Variants in SEMA3F observed in about 807,000 individuals in gnomAD.
The protein encoded by SEMA3F is semaphorin-3F.
SEMA3F carries 30 observed loss-of-function variants against 98.5 expected under a neutral mutation model. The observed-to-expected ratio is 0.30, with a 90% CI of 0.23 to 0.41. The LOEUF is 0.41. SEMA3F is among the 10% of genes least tolerant of loss of function. The pLI is 1.00. For synonymous variants in SEMA3F, 380 were observed against 444.8 expected (o/e 0.85, Z 1.83); for missense variants, 866 against 1,119.3 (o/e 0.77, Z 3.23).
rs997899343 is a variant in SEMA3F, at chr3:50,174,093, G to T, written c.315G>T (p.Val105=). 6.2e-7 allele frequency: 1 copy of T among 1,614,018 alleles called. No homozygotes were observed. The highest frequency in any genetic ancestry group is 1.3e-5 in the African/African-American group (1 of 74,934). The change falls in exon 4 of 19, where the codon GTG becomes GTT. Residue 105 remains valine, a synonymous_variant. Coordinates refer to ENST00000002829, the MANE Select transcript of SEMA3F (RefSeq NM_004186.5). ...AASPQRIEEC[V]LSGKDVNGEC... is the part of the protein sequence containing the mutation. Reference sequence around the variant, plus strand: ...CCCCACAGCGCATCGAGGAATGCGTGCTCTCAGGCAAGGATGTCAACGTGA... The same window carrying T: ...CCCCACAGCGCATCGAGGAATGCGTTCTCTCAGGCAAGGATGTCAACGTGA...
chr3:50,178,894 T>C (rs974195842), intron 7 of SEMA3F, among the ~76,000 whole-genome samples: 6 of 138,752 alleles, frequency 4.3e-5, no homozygotes, highest in African/African-American at 1.6e-4. Context: ...TGCAGTGGTG[T>C]GATTTCAGCT....
At chr3:50,171,063 TCCCTGTG>T (rs1276135401) in intron 2 of SEMA3F, among the ~76,000 whole-genome samples, 1 of 152,112 alleles carries the variant, frequency 6.6e-6, no homozygotes, top group Non-Finnish European at 1.5e-5. Flanking sequence ...TCACATCCCT[TCCCTGTG>T]CCCTGTGCCC....
rs1430060898 is a variant in SEMA3F at position 50,176,853 on chromosome 3, C to T, written c.635C>T (p.Ala212Val). ...GATCCCAAGCTGGACACAGCATCGG[C>T]CCTCATCAGTGAGTGCCCCCCAACC... ...PYDPKLDTAS[A>V]LINEELYAGV... Residue 212 changes from alanine to valine, a missense_variant, in exon 7 of 19, where the codon GCC becomes GTC. Around this residue, in one of 3 missense-constraint regions of SEMA3F, gnomAD observed 374 missense variants for 582.8 expected, o/e 0.64. Transcript: ENST00000002829. 1.2e-6 allele frequency: 2 copies of T among 1,613,364 alleles called. No individual in the cohort carries two copies. Among genetic ancestry groups the T allele is most frequent in the Non-Finnish European group, 1.7e-6 (2 of 1,179,648 alleles).
intron 2 of SEMA3F, among the ~76,000 whole-genome samples, chr3:50,160,082 C>T (rs1227030306): frequency 2.6e-5 from 4 of 152,208 alleles, no homozygotes; most frequent in Non-Finnish European, 1.5e-5. Context: ...GCTGCGGCCC[C>T]TCCTTGCCAC....
At position 50,155,739 on chromosome 3, in the gene SEMA3F, C is replaced by T. The variant is rs2109044027; in HGVS notation, c.-49+175C>T. The T allele has an allele frequency of 4.5e-6, 1 of 224,086 alleles. No individual in the cohort carries two copies. Among genetic ancestry groups the T allele is most frequent in the Non-Finnish European group, 8.7e-6 (1 of 115,320 alleles). 13.9% of individuals were successfully genotyped at this position (224,086 alleles called of 1,614,324 possible). A position where few individuals can be genotyped will look rare whatever the true frequency, so the allele number is the denominator to read the frequency against. ...GGCTGGGGTGGGATTCTTACCTGTC[C>T]TGGAGGCCCGGACCCCTTACCTACG... On this transcript the variant is annotated intron_variant, in intron 1 of 18. Transcript: ENST00000002829. This position sits in a 1 kb window ranked among gnomAD's most constrained non-coding sequence, Gnocchi z 4.9.
intron 2 of SEMA3F, among the ~76,000 whole-genome samples, chr3:50,163,634 G>A (rs1292676617): frequency 6.6e-6 from 1 of 152,258 alleles, no homozygotes; most frequent in Non-Finnish European, 1.5e-5. Flanking sequence ...CCTGGTGCAG[G>A]AGTAGGGGTG....
intron 2 of SEMA3F, among the ~76,000 whole-genome samples, chr3:50,163,915 G>A (rs1438324173): frequency 6.6e-6 from 1 of 152,232 alleles, no homozygotes; most frequent in East Asian, 1.9e-4. Flanking sequence ...GATCCCTTGA[G>A]GCCAGATCTG....
At chr3:50,181,926 C>G (rs751868312) in intron 7 of SEMA3F, among the ~76,000 whole-genome samples, 1 of 152,210 alleles carries the variant, frequency 6.6e-6, no homozygotes, top group Non-Finnish European at 1.5e-5. Context: ...GGTCTATTAG[C>G]TATGCTCTTG....
chr3:50,183,740 G>C (rs1559737258), intron 12 of SEMA3F, 176 bp downstream of exon 12: 10 of 682,294 alleles, frequency 1.5e-5, no homozygotes, highest in Middle Eastern at 3.9e-4. Flanking sequence ...GAGGAGCCCA[G>C]ATGGGATTCT....
chr3:50,180,323 C>A (rs1445067472), intron 7 of SEMA3F, among the ~76,000 whole-genome samples: 4 of 152,054 alleles, frequency 2.6e-5, no homozygotes, highest in African/African-American at 7.2e-5. Flanking sequence ...ACCACCACCT[C>A]TGGCTAATTT....
At chr3:50,179,046 A>G (rs1575400366) in intron 7 of SEMA3F, among the ~76,000 whole-genome samples, 1 of 151,936 alleles carries the variant, frequency 6.6e-6, no homozygotes, top group Non-Finnish European at 1.5e-5. Flanking sequence ...GATGGTCTCG[A>G]TCTCCTGACC....
At chr3:50,184,013 C>T (rs961816781) in intron 12 of SEMA3F, among the ~76,000 whole-genome samples, 2 of 152,054 alleles carry the variant, frequency 1.3e-5, no homozygotes, top group Non-Finnish European at 2.9e-5. Context: ...AGGAGAGCAG[C>T]GGATCTGGTC....
Position 50,185,453 on chromosome 3 carries a change from A to C in SEMA3F, c.1467A>C (p.Thr489=). ...EVLFLGTDRG[T]VQKVIVLPKD... is the part of the protein sequence containing the mutation. ...CCCGGCCCGTTCCAGACCGCGGGACAGTGCAGAAGGTCATTGTGCTGCCCA... is the reference window on the plus strand; with the variant it reads ...CCCGGCCCGTTCCAGACCGCGGGACCGTGCAGAAGGTCATTGTGCTGCCCA... Residue 489 remains threonine, a synonymous_variant, in exon 14 of 19, where the codon ACA becomes ACC. Transcript: ENST00000002829. 6.2e-7 allele frequency: 1 copy of C among 1,610,978 alleles called. No individual in the cohort carries two copies. The highest frequency in any genetic ancestry group is 8.5e-7 in the Non-Finnish European group (1 of 1,178,336).
rs1698834834 is a variant in SEMA3F, at chr3:50,176,868, G to A, written c.643+7G>A. 1.9e-6 allele frequency: 3 copies of A among 1,609,080 alleles called. No individual in the cohort carries two copies. Among genetic ancestry groups the A allele is most frequent in the Admixed American group, 1.7e-5 (1 of 59,994 alleles). On this transcript the variant is annotated splice_region_variant and intron_variant, in intron 7 of 18. Coordinates refer to ENST00000002829, the MANE Select transcript of SEMA3F (RefSeq NM_004186.5). ...ACAGCATCGGCCCTCATCAGTGAGT[G>A]CCCCCCAACCCCGCTCTACAGTCTC...
intron 1 of SEMA3F, among the ~76,000 whole-genome samples, chr3:50,157,446 C>T (rs956596705): frequency 3.9e-4 from 59 of 152,118 alleles, no homozygotes; most frequent in African/African-American, 1.3e-3. Flanking sequence ...TCCCAGGTGG[C>T]GGTGGCTGTT....
intron 2 of SEMA3F, among the ~76,000 whole-genome samples, chr3:50,171,107 G>A (rs1296296582): frequency 2.0e-5 from 3 of 152,270 alleles, no homozygotes; most frequent in Admixed American, 1.3e-4. Context: ...AGGGCTTTGT[G>A]CACAGCGGGT....
At chr3:50,174,767 CCCAGGG>C (rs1299386358) in intron 5 of SEMA3F, among the ~76,000 whole-genome samples, 1 of 152,224 alleles carries the variant, frequency 6.6e-6, no homozygotes, top group Non-Finnish European at 1.5e-5. Context: ...GCCTTCCACC[CCCAGGG>C]CCAGGGTTGT....
chr3:50,175,025 G>A, intron 5 of SEMA3F, 71 bp from the exon 6 acceptor site: 1 of 1,074,286 alleles, frequency 9.3e-7, no homozygotes, highest in Non-Finnish European at 1.4e-6. Flanking sequence ...GGTGTTAGAG[G>A]CTGGCAGCCC....
At position 50,159,631 on chromosome 3, in the gene SEMA3F, C is replaced by G; in HGVS notation, c.9C>G (p.Val3=). The G allele has an allele frequency of 1.9e-6, 3 of 1,607,298 alleles. No homozygotes were observed. Among genetic ancestry groups the G allele is most frequent in the Non-Finnish European group, 2.6e-6 (3 of 1,176,086 alleles). The stretch of plus-strand genomic sequence containing the variant: ...CCTAGGCCCCTCCCACAATGCTTGT[C>G]GCCGGTCTTCTTCTCTGGGCTTCCC... The part of the protein sequence containing the change: ML[V]AGLLLWASLL... The change falls in exon 2 of 19, where the codon GTC becomes GTG. Residue 3 remains valine (V), a synonymous_variant. Transcript: ENST00000002829.
Sources: gnomAD v4.1 joint callset for allele counts (sites outside exome capture counted in the v4.1 genomes callset) on GRCh38, gnomAD v4.1.1 for gene constraint, gnomAD v4.1.1 regional missense constraint, Gnocchi (gnomAD v3.1) non-coding constraint, MANE v1.5 for transcripts, NCBI Gene and HGNC (gene_info 2026-07-23, HGNC 2026-07-21) for gene names.